The following ZNF385D variants were observed in gnomAD, a reference collection of about 807,000 sequenced individuals.
ZNF385D encodes zinc finger protein 659.
ZNF385D carries 15 observed loss-of-function variants against 35.8 expected under a neutral mutation model. That is an observed-to-expected ratio of 0.42 (90% CI 0.28 to 0.64). The LOEUF (loss-of-function observed/expected upper bound fraction) is 0.64. Ranked by LOEUF, ZNF385D falls within the 30% of genes least tolerant of loss-of-function variation. The pLI, the probability that ZNF385D is intolerant of heterozygous loss-of-function variation, is 0.23. For synonymous variants in ZNF385D, 212 were observed against 186.8 expected, an observed-to-expected ratio of 1.13 and a Z score of -1.10; for missense variants, 474 against 494.6, an observed-to-expected ratio of 0.96 and a Z score of 0.39.
intron 7 of ZNF385D, among the ~76,000 whole-genome samples, chr3:21,421,894 A>G (rs1037844092): frequency 3.3e-5 from 5 of 152,150 alleles, no homozygotes; most frequent in African/African-American, 1.2e-4. Context: ...GTTGTTTCCA[A>G]TTGTATGAGG....
chr3:21,715,588 T>C (rs763218919), intron 1 of ZNF385D, among the ~76,000 whole-genome samples: 1 of 150,606 alleles, frequency 6.6e-6, no homozygotes, highest in Non-Finnish European at 1.5e-5. Flanking sequence ...TTTAAATATA[T>C]TGATTTTTTT....
At chr3:21,996,197 T>C (rs1695455546) in intron 3 of ZNF385D, among the ~76,000 whole-genome samples, 1 of 152,132 alleles carries the variant, frequency 6.6e-6, no homozygotes, top group Non-Finnish European at 1.5e-5. Flanking sequence ...TCATGTGGAC[T>C]CCCAGCAGCT....
At chr3:22,093,286 T>C (rs971374172) in intron 3 of ZNF385D, among the ~76,000 whole-genome samples, 7 of 152,012 alleles carry the variant, frequency 4.6e-5, no homozygotes, top group African/African-American at 1.7e-4. Context: ...TTTTAGAAGG[T>C]ATAGGCTTTT....
chr3:21,524,613 A>G (rs1708115368), intron 3 of ZNF385D, among the ~76,000 whole-genome samples: 2 of 152,184 alleles, frequency 1.3e-5, no homozygotes, highest in African/African-American at 4.8e-5. Context: ...TTTGGTCTCT[A>G]GAGGCCAAAT....
chr3:21,952,931 C>T (rs1018390835), intron 3 of ZNF385D, among the ~76,000 whole-genome samples: 4 of 151,976 alleles, frequency 2.6e-5, no homozygotes, highest in Non-Finnish European at 5.9e-5. Flanking sequence ...ACTCATTTCT[C>T]AGACTTTCAA....
At chr3:22,050,443 A>C (rs1473643739) in intron 3 of ZNF385D, among the ~76,000 whole-genome samples, 1 of 152,220 alleles carries the variant, frequency 6.6e-6, no homozygotes, top group African/African-American at 2.4e-5. Context: ...AATGTTTGGT[A>C]GAATTAAGCT....
chr3:21,898,343 A>G (rs1225565861), intron 3 of ZNF385D, among the ~76,000 whole-genome samples: 3 of 152,090 alleles, frequency 2.0e-5, no homozygotes, highest in Non-Finnish European at 4.4e-5. Flanking sequence ...TTGTAATGGA[A>G]TTTTCCTAAT....
chr3:21,554,588 C>T (rs1409386369), intron 3 of ZNF385D, among the ~76,000 whole-genome samples: 1 of 152,240 alleles, frequency 6.6e-6, no homozygotes, highest in Middle Eastern at 3.4e-3. Flanking sequence ...GCATTAAAGC[C>T]AGACATTGAC....
At chr3:22,149,177 T>C (rs1469425157) in intron 3 of ZNF385D, among the ~76,000 whole-genome samples, 1 of 152,122 alleles carries the variant, frequency 6.6e-6, no homozygotes, top group Non-Finnish European at 1.5e-5. Flanking sequence ...TGTATGAATG[T>C]TAAAGTGTAA....
At chr3:22,167,660 G>A (rs114782321) in intron 3 of ZNF385D, among the ~76,000 whole-genome samples, 1,531 of 152,292 alleles carry the variant, frequency 0.01, 22 homozygotes, top group African/African-American at 0.034. Flanking sequence ...GCCGTGGGCC[G>A]AGGCAGAGCA....
intron 3 of ZNF385D, among the ~76,000 whole-genome samples, chr3:21,863,880 T>C (rs1365270629): frequency 2.0e-5 from 3 of 151,326 alleles, no homozygotes; most frequent in Admixed American, 2.0e-4. Context: ...ACATAATGAG[T>C]TTTTCAAACA....
At chr3:21,816,236 A>C (rs2073143473) in intron 3 of ZNF385D, among the ~76,000 whole-genome samples, 1 of 152,246 alleles carries the variant, frequency 6.6e-6, no homozygotes, top group Non-Finnish European at 1.5e-5. Flanking sequence ...CCGAATGAGC[A>C]AAAACTGGAA....
intron 2 of ZNF385D, among the ~76,000 whole-genome samples, chr3:22,359,760 C>A (rs1337934446): frequency 1.3e-5 from 2 of 151,684 alleles, no homozygotes; most frequent in Non-Finnish European, 2.9e-5. Context: ...AAATAGTGTC[C>A]TATACAGATA....
intron 4 of ZNF385D, among the ~76,000 whole-genome samples, chr3:21,494,191 G>C (rs1407795141): frequency 6.6e-6 from 1 of 152,152 alleles, no homozygotes; most frequent in Non-Finnish European, 1.5e-5. Context: ...ATAATAGCAT[G>C]ATTTTTATTA....
chr3:21,681,926 AG>A lies in ZNF385D; in HGVS notation c.23-16899del, dbSNP rs202192035. Among the ~76,000 whole-genome samples the A allele has an allele frequency of 8.3e-3, 1,264 of 152,298 alleles. 16 individuals carry two copies. Among genetic ancestry groups the A allele is most frequent in the African/African-American group, 0.029 (1,189 of 41,574 alleles). On this transcript the variant is annotated intron_variant, in intron 1 of 7. Transcript: ENST00000281523. ...TGTAAAATGAAAGTTGGATACCTGG[AG>A]TATGTTTTATGAACTGGTCAGCCAG...
At chr3:21,962,858 T>C (rs1702673615) in intron 3 of ZNF385D, among the ~76,000 whole-genome samples, 1 of 152,202 alleles carries the variant, frequency 6.6e-6, no homozygotes, top group Non-Finnish European at 1.5e-5. Context: ...AAGTTAAAAT[T>C]GATTTTCATG....
In ZNF385D at chr3:21,610,033, G is replaced by A. The variant is rs150715666; in HGVS notation, c.166-45349C>T. 1.5e-3 allele frequency among the ~76,000 whole-genome samples: 230 copies of A among 151,916 alleles called. 1 individual carries two copies. Among genetic ancestry groups the A allele is most frequent in the Non-Finnish European group, 2.5e-3 (170 of 68,004 alleles). On this transcript the variant is annotated intron_variant, in intron 2 of 7. Coordinates refer to ENST00000281523, the MANE Select transcript of ZNF385D (RefSeq NM_024697.3). ...TTCTGTCACTTCTAAGCAAAACAGC[G>A]TGTTTAATAAGCCACTATGCTGTTA...
rs533638658 is a variant in ZNF385D at position 22,114,113 on chromosome 3, A to C, written c.325+54704T>G. On this transcript the variant is annotated intron_variant, in intron 3 of 5. Coordinates refer to the ZNF385D transcript ENST00000494108. ...ATGCACTACGACCATTTAAAATGAAAATTTACAGTAACTGGATGAAAACAC... is the reference window on the plus strand; with the variant it reads ...ATGCACTACGACCATTTAAAATGAACATTTACAGTAACTGGATGAAAACAC... Among the ~76,000 whole-genome samples, 6 of 152,250 alleles carry C rather than the reference A, an allele frequency of 3.9e-5. No homozygotes were observed. In the South Asian group the frequency reaches 1.2e-3, roughly 32 times the overall value.
At chr3:21,620,811 G>A (rs1289781994) in intron 2 of ZNF385D, among the ~76,000 whole-genome samples, 1 of 152,068 alleles carries the variant, frequency 6.6e-6, no homozygotes, top group African/African-American at 2.4e-5. Context: ...CAACACTCTC[G>A]AGGCAGAATT....
Sources: allele counts gnomAD v4.1 joint callset (sites outside exome capture counted in the v4.1 genomes callset), GRCh38; gene constraint gnomAD v4.1.1; transcripts MANE v1.5; gene names NCBI Gene and HGNC (gene_info 2026-07-23, HGNC 2026-07-21).